RASGRP1: variants seen among roughly 807,000 people sequenced by gnomAD.
The protein encoded by RASGRP1 is RAS guanyl releasing protein 1, also known as RAS guanyl-releasing protein 1.
RASGRP1 carries 37 observed loss-of-function variants against 95.1 expected under a neutral mutation model. The observed-to-expected ratio is 0.39, with a 90% confidence interval of 0.30 to 0.51. The LOEUF (loss-of-function observed/expected upper bound fraction) is 0.51. Among genes scored for constraint, RASGRP1 ranks in the 20% least tolerant of loss-of-function variants. The pLI is 0.80. For synonymous variants in RASGRP1, 325 were observed against 353.4 expected, an observed-to-expected ratio of 0.92 and a Z score of 0.90; for missense variants, 711 against 965.4, an observed-to-expected ratio of 0.74 and a Z score of 3.49.
chr15:38,549,769 A>G (rs1288244763), intron 2 of RASGRP1, among the ~76,000 whole-genome samples: 1 of 151,818 alleles, frequency 6.6e-6, no homozygotes, highest in Non-Finnish European at 1.5e-5. Context: ...CTTCTGCTTG[A>G]AGGCTCTAGT....
At chr15:38,548,285 G>A (rs760919122) in intron 2 of RASGRP1, among the ~76,000 whole-genome samples, 4 of 152,082 alleles carry the variant, frequency 2.6e-5, no homozygotes, top group Admixed American at 6.6e-5. Flanking sequence ...GTTAGAGGTC[G>A]GGTGCAGTGG....
intron 2 of RASGRP1, chr15:38,534,491 T>C (rs1288004853): frequency 1.3e-5 from 2 of 152,264 alleles, no homozygotes; most frequent in Non-Finnish European, 2.9e-5. Context: ...TGGCTTTTAA[T>C]TATTTACTTG....
chr15:38,552,649 G>C (rs1046217584), intron 2 of RASGRP1, among the ~76,000 whole-genome samples: 17 of 152,198 alleles, frequency 1.1e-4, no homozygotes, highest in African/African-American at 4.1e-4. Flanking sequence ...GTAAAATGTA[G>C]TCATGAATTA....
chr15:38,517,525 G>A (rs80121726), intron 5 of RASGRP1, among the ~76,000 whole-genome samples: 20,534 of 152,104 alleles, frequency 0.14, 1,471 homozygotes, highest in East Asian at 0.3. Context: ...CAGGACCTCA[G>A]AGGCTAGCTG....
In RASGRP1 at chr15:38,526,369, A is replaced by G; in HGVS notation, c.256T>C (p.Leu86=). ...CGGTGCATGGTCAGCATGACTTGCA[A>G]CAGTTGGTTACTTCGACACAGGTTT... is the stretch of plus-strand genomic sequence containing the variant. ...DGNLCRSNQL[L]QVMLTMHRIV... The change falls in exon 3 of 17, where the codon TTG becomes CTG. Residue 86 remains leucine (L), a synonymous_variant. Transcript: ENST00000310803. 2 of 1,613,256 alleles carry G rather than the reference A, an allele frequency of 1.2e-6. No homozygotes were observed. The highest frequency in any genetic ancestry group is 1.7e-6 in the Non-Finnish European group (2 of 1,179,390).
At chr15:38,495,824 C>T (rs1890774341) in intron 15 of RASGRP1, among the ~76,000 whole-genome samples, 1 of 152,026 alleles carries the variant, frequency 6.6e-6, no homozygotes, top group Non-Finnish European at 1.5e-5. Flanking sequence ...TTTATATCTC[C>T]ATTTTCCAAC....
chr15:38,495,658 CAA>C (rs1890768199), intron 15 of RASGRP1, among the ~76,000 whole-genome samples: 1 of 151,988 alleles, frequency 6.6e-6, no homozygotes, highest in African/African-American at 2.4e-5. Flanking sequence ...TAATTCTTGC[CAA>C]AGAGAACATA....
intron 3 of RASGRP1, among the ~76,000 whole-genome samples, chr15:38,521,054 G>A (rs1019459209): frequency 6.6e-6 from 1 of 152,064 alleles, no homozygotes; most frequent in African/African-American, 2.4e-5. Context: ...ATAAAAATAA[G>A]TGCAGGGAAC....
At position 38,490,817 on chromosome 15, in the gene RASGRP1, A is replaced by ATAGT; in HGVS notation, c.2260-133_2260-130dup. The stretch of plus-strand genomic sequence containing the variant: ...CTGAGAATTAACAACCATTTTCAAG[A>ATAGT]TAGTTATTTTGCCCTGAATAGAAAA... On this transcript the variant is annotated intron_variant, in intron 16 of 16. Coordinates refer to ENST00000310803, the MANE Select transcript of RASGRP1 (RefSeq NM_005739.4). 7 of 1,010,440 alleles carry ATAGT rather than the reference A, an allele frequency of 6.9e-6. 1 individual carries two copies. In the South Asian group the frequency reaches 1.0e-4, roughly 15 times the overall value. The allele number at this position is 1,010,440 out of a possible 1,614,324, so 62.6% of individuals were successfully genotyped here.
At chr15:38,558,900 CTCCCTTAGGT>C (rs1162597591) in intron 2 of RASGRP1, among the ~76,000 whole-genome samples, 6 of 152,184 alleles carry the variant, frequency 3.9e-5, no homozygotes, top group African/African-American at 1.4e-4. Flanking sequence ...CTGACTAAGC[CTCCCTTAGGT>C]TCCCAGGAGG....
chr15:38,492,993 G>A (rs1271506264), intron 16 of RASGRP1, among the ~76,000 whole-genome samples: 3 of 151,256 alleles, frequency 2.0e-5, no homozygotes, highest in Non-Finnish European at 4.4e-5. Flanking sequence ...CCATCCTCCT[G>A]CCTCAGCCTC....
intron 11 of RASGRP1, chr15:38,502,833 C>CT (rs752274418): frequency 7.9e-5 from 18 of 227,272 alleles, no homozygotes; most frequent in Non-Finnish European, 1.6e-4. Flanking sequence ...CCGTTACGCT[C>CT]TTAGTTTTCC....
chr15:38,557,601 A>ATGTGTGTGTGTGTGTGTG (rs5812045), intron 2 of RASGRP1, among the ~76,000 whole-genome samples: 4 of 145,292 alleles, frequency 2.8e-5, no homozygotes. Flanking sequence ...TTGTATATAT[A>ATGTGTGTGTGTGTGTGTG]TGTGTGTGTG....
At position 38,508,007 on chromosome 15, in the gene RASGRP1, A is replaced by G. The variant is rs776334994; in HGVS notation, c.967-6T>C. 4 of 1,596,992 alleles carry G rather than the reference A, an allele frequency of 2.5e-6. No individual in the cohort carries two copies. The East Asian group carries it at 6.8e-5, about 27-fold the overall frequency. On this transcript the variant is annotated splice_polypyrimidine_tract_variant and splice_region_variant and intron_variant, in intron 8 of 16. Coordinates refer to ENST00000310803, the MANE Select transcript of RASGRP1 (RefSeq NM_005739.4). ...TCAGTCATCTCACCGAGAACCTACAAAGCAGAACAGACCAATCACAGGTAC... is the reference window on the plus strand; with the variant it reads ...TCAGTCATCTCACCGAGAACCTACAGAGCAGAACAGACCAATCACAGGTAC...
At chr15:38,546,863 C>T (rs540351739) in intron 2 of RASGRP1, among the ~76,000 whole-genome samples, 1 of 152,306 alleles carries the variant, frequency 6.6e-6, no homozygotes, top group East Asian at 1.9e-4. Flanking sequence ...ACAATTAATA[C>T]AGCTTCCCCC....
intron 2 of RASGRP1, among the ~76,000 whole-genome samples, chr15:38,549,052 C>T (rs913178975): frequency 7.2e-5 from 11 of 152,126 alleles, no homozygotes; most frequent in South Asian, 6.2e-4. Context: ...TGGCAATAAA[C>T]GAAGACTGAG....
At chr15:38,525,196 G>C (rs1252973497) in intron 3 of RASGRP1, among the ~76,000 whole-genome samples, 2 of 152,060 alleles carry the variant, frequency 1.3e-5, no homozygotes, top group Non-Finnish European at 2.9e-5. Context: ...TCAAACTCCT[G>C]ACCTTAAGTG....
intron 1 of RASGRP1, among the ~76,000 whole-genome samples, chr15:38,563,003 G>A (rs1281616781): frequency 6.6e-6 from 1 of 152,176 alleles, no homozygotes; most frequent in Non-Finnish European, 1.5e-5. Flanking sequence ...AGACTCAGAG[G>A]ACTAGGCCAT....
At chr15:38,554,269 T>G (rs577545323) in intron 2 of RASGRP1, among the ~76,000 whole-genome samples, 1 of 152,104 alleles carries the variant, frequency 6.6e-6, no homozygotes, top group African/African-American at 2.4e-5. Flanking sequence ...CAATTCTCTA[T>G]TAGTTAAAGG....
Sources: allele counts gnomAD v4.1 joint callset (sites outside exome capture counted in the v4.1 genomes callset), GRCh38; gene constraint gnomAD v4.1.1; transcripts MANE v1.5; gene names NCBI Gene and HGNC (gene_info 2026-07-23, HGNC 2026-07-21).